Variants in HHIP observed in about 807,000 individuals in gnomAD.
HHIP encodes the protein hedgehog-interacting protein.
Under a neutral mutation model 74.0 loss-of-function variants are expected in HHIP, and 12 were observed. The ratio of observed to expected loss-of-function variants is 0.16; its 90% CI spans 0.10 to 0.26. HHIP has a LOEUF of 0.26. Ranked by LOEUF, HHIP falls within the 10% of genes least tolerant of loss-of-function variation. HHIP has a pLI of 1.00. For missense variants in HHIP, 788 were observed against 845.0 expected, an observed-to-expected ratio of 0.93 and a Z score of 0.84; for synonymous variants, 309 against 311.6, an observed-to-expected ratio of 0.99 and a Z score of 0.09.
At chr4:144,681,677 C>T (rs1466206114) in intron 4 of HHIP, among the ~76,000 whole-genome samples, 1 of 152,198 alleles carries the variant, frequency 6.6e-6, no homozygotes, top group African/African-American at 2.4e-5. Context: ...CCCGCCTCGG[C>T]CTCCCAACGT....
In HHIP at chr4:144,737,953, T is replaced by C. The variant is rs777299191; in HGVS notation, c.2099T>C (p.Val700Ala). The change falls in exon 13 of 13, where the codon GTA becomes GCA. Residue 700 changes from valine (V) to alanine (A), a missense_variant. Coordinates refer to ENST00000296575, the MANE Select transcript of HHIP (RefSeq NM_022475.3). ...TTGCTGGATCTAACAAGTTACATTG[T>C]ATAGTTTCTGGGACTGTTTGAATAT... is the stretch of plus-strand genomic sequence containing the variant. ...SYLLDLTSYI[V>A] is the part of the protein sequence containing the mutation. The C allele has an allele frequency of 6.3e-7, 1 of 1,595,676 alleles. No individual in the cohort carries two copies. The highest frequency in any genetic ancestry group is 1.1e-5 in the South Asian group (1 of 88,540).
rs1447816843 is a variant in HHIP, at chr4:144,658,684, TC to T, written c.473-104del. On this transcript the variant is annotated intron_variant, in intron 2 of 12. Transcript: ENST00000296575. ...TTCAGTCTAGGTTCTTCCTAAAATA[TC>T]CACCTAGTTTCCCAAAATTCTTTTC... The T allele has an allele frequency of 3.6e-5, 31 of 850,472 alleles. No homozygotes were observed. In the East Asian group the frequency reaches 4.3e-4, roughly 12 times the overall value. The allele number at this position is 850,472 out of a possible 1,614,324, so 52.7% of individuals were successfully genotyped here.
In HHIP at chr4:144,696,275, CT is replaced by C. The variant is rs144675558; in HGVS notation, c.832-10246del. Among the ~76,000 whole-genome samples, 708 of 149,254 alleles carry C rather than the reference CT, an allele frequency of 4.7e-3. 7 individuals carry two copies. The highest frequency in any genetic ancestry group is 0.015 in the African/African-American group (617 of 40,926). On this transcript the variant is annotated intron_variant, in intron 4 of 12. Transcript: ENST00000296575. The stretch of plus-strand genomic sequence containing the variant: ...CATAAATTTACACAAATCTGCACCT[CT>C]TTTTTTTTTCCCAAACAGGCCATTT...
chr4:144,738,627 A>C lies in HHIP; in HGVS notation c.*670A>C, dbSNP rs1353650836. ...AGCATATTTTAAAATCAATCTTCCT[A>C]AAAGGTCTGCTTTTATTGTATATTT... On this transcript the variant is annotated 3_prime_UTR_variant, in exon 13 of 13. Coordinates refer to ENST00000296575, the MANE Select transcript of HHIP (RefSeq NM_022475.3). 1 of 696,792 alleles carries C rather than the reference A, an allele frequency of 1.4e-6. No individual in the cohort carries two copies. The highest frequency in any genetic ancestry group is 1.3e-4 in the East Asian group (1 of 7,508). 43.2% of individuals were successfully genotyped at this position (696,792 alleles called of 1,614,324 possible).
At chr4:144,713,036 T>A (rs1730346747) in intron 8 of HHIP, among the ~76,000 whole-genome samples, 1 of 152,026 alleles carries the variant, frequency 6.6e-6, no homozygotes, top group African/African-American at 2.4e-5. Flanking sequence ...TACAGTCACA[T>A]TAATTGAGGT....
chr4:144,662,529 G>C (rs921554792), intron 4 of HHIP, among the ~76,000 whole-genome samples: 33 of 152,158 alleles, frequency 2.2e-4, no homozygotes, highest in Non-Finnish European at 5.9e-5. Flanking sequence ...AAAAAGTTGT[G>C]GCATTGAGAT....
Position 144,658,807 on chromosome 4 carries a change from G to A in HHIP, c.490G>A (p.Ala164Thr). ...TTTTAAAGGTTTCCTTCAAACAACT[G>A]CGGATGAGTTTTGCTTTTACTATGC... ...GHIPGFLQTT[A>T]DEFCFYYARK... The change falls in exon 3 of 13, where the codon GCG becomes ACG. Residue 164 changes from alanine to threonine, a missense_variant. Coordinates refer to ENST00000296575, the MANE Select transcript of HHIP (RefSeq NM_022475.3). 1 of 1,612,382 alleles carries A rather than the reference G, an allele frequency of 6.2e-7. No homozygotes were observed. The highest frequency in any genetic ancestry group is 2.2e-5 in the East Asian group (1 of 44,804).
At chr4:144,682,934 T>C (rs1280001961) in intron 4 of HHIP, among the ~76,000 whole-genome samples, 2 of 152,202 alleles carry the variant, frequency 1.3e-5, no homozygotes, top group African/African-American at 4.8e-5. Flanking sequence ...CAAATGCAGA[T>C]TTTGATAAAA....
At chr4:144,695,128 A>G (rs923409258) in intron 4 of HHIP, among the ~76,000 whole-genome samples, 18 of 150,644 alleles carry the variant, frequency 1.2e-4, no homozygotes, top group African/African-American at 4.2e-4. Context: ...CTTTTCTAAC[A>G]AGATTTGCTT....
At chr4:144,709,967 G>T (rs927548813) in intron 7 of HHIP, among the ~76,000 whole-genome samples, 1 of 152,140 alleles carries the variant, frequency 6.6e-6, no homozygotes, top group Admixed American at 6.5e-5. Flanking sequence ...TTACATTAGG[G>T]TTCACTCTTG....
chr4:144,700,748 C>T (rs140064990), intron 4 of HHIP, among the ~76,000 whole-genome samples: 1 of 152,078 alleles, frequency 6.6e-6, no homozygotes, highest in African/African-American at 2.4e-5. Flanking sequence ...CTTAGCTCTG[C>T]CAACATTTAT....
intron 4 of HHIP, among the ~76,000 whole-genome samples, chr4:144,683,248 T>C (rs866836182): frequency 6.6e-6 from 1 of 152,230 alleles, no homozygotes; most frequent in Non-Finnish European, 1.5e-5. Flanking sequence ...AAATAAAATA[T>C]CTTCTTAATC....
At chr4:144,705,860 G>A (rs6817556) in intron 4 of HHIP, among the ~76,000 whole-genome samples, 85,429 of 151,878 alleles carry the variant, frequency 0.56, 24,271 homozygotes, top group South Asian at 0.76. Flanking sequence ...TTCCCCAGCC[G>A]TGGCCTTTAG....
rs575321738 is a variant in HHIP, at chr4:144,738,293, C to T, written c.*336C>T. The T allele has an allele frequency of 1.2e-5, 12 of 981,132 alleles. No homozygotes were observed. Among genetic ancestry groups the T allele is most frequent in the Admixed American group, 6.1e-5 (1 of 16,426 alleles). The allele number at this position is 981,132 out of a possible 1,614,324, so 60.8% of individuals were successfully genotyped here. A position where few individuals can be genotyped will look rare whatever the true frequency, so the allele number is the denominator to read the frequency against. On this transcript the variant is annotated 3_prime_UTR_variant, in exon 13 of 13. Coordinates refer to ENST00000296575, the MANE Select transcript of HHIP (RefSeq NM_022475.3). ...TACTAGAAGAGATTATTTGACTTCC[C>T]AGGAATTTTCTGTCTGTAATCACTA...
intron 11 of HHIP, among the ~76,000 whole-genome samples, chr4:144,720,853 C>T (rs150367681): frequency 3.4e-4 from 52 of 152,116 alleles, no homozygotes; most frequent in African/African-American, 1.1e-3. Flanking sequence ...TGGCCATCAA[C>T]GTTTATTATC....
intron 11 of HHIP, among the ~76,000 whole-genome samples, chr4:144,725,696 T>G (rs752857252): frequency 1.3e-5 from 2 of 151,942 alleles, no homozygotes; most frequent in Non-Finnish European, 2.9e-5. Flanking sequence ...GAGACAGAGT[T>G]TTGTTCTTGA....
intron 4 of HHIP, among the ~76,000 whole-genome samples, chr4:144,702,450 G>A (rs369990294): frequency 1.3e-5 from 2 of 152,146 alleles, no homozygotes; most frequent in Non-Finnish European, 2.9e-5. Flanking sequence ...TATTAAAAGC[G>A]CCTGAAGAGG....
chr4:144,655,330 T>G (rs1213487395), intron 2 of HHIP, among the ~76,000 whole-genome samples: 1 of 152,196 alleles, frequency 6.6e-6, no homozygotes, highest in Non-Finnish European at 1.5e-5. Flanking sequence ...AGGACTTTTC[T>G]TCTGCTTAAC....
Position 144,713,843 on chromosome 4 carries a change from T to C in HHIP, c.1424-382T>C, listed in dbSNP as rs985970155. On this transcript the variant is annotated intron_variant, in intron 8 of 12. Coordinates refer to ENST00000296575, the MANE Select transcript of HHIP (RefSeq NM_022475.3). The stretch of plus-strand genomic sequence containing the variant: ...GAGCTCTGTCTCAATTTACTCAATA[T>C]ATGCAGAAGCATTTCTACACAAAAC... Among the ~76,000 whole-genome samples, 6 of 152,312 alleles carry C rather than the reference T, an allele frequency of 3.9e-5. No individual in the cohort carries two copies. The South Asian group carries it at 1.2e-3, about 32-fold the overall frequency.
Sources: gnomAD v4.1 joint callset for allele counts (sites outside exome capture counted in the v4.1 genomes callset) on GRCh38, gnomAD v4.1.1 for gene constraint, MANE v1.5 for transcripts, NCBI Gene and HGNC (gene_info 2026-07-23, HGNC 2026-07-21) for gene names.